DSG1: variants seen among roughly 807,000 people sequenced by gnomAD.
DSG1 encodes the protein desmoglein 1, also known as desmoglein-1.
Under a neutral mutation model 97.5 loss-of-function variants are expected in DSG1, and 39 were observed. The observed-to-expected ratio is 0.40, with a 90% CI of 0.31 to 0.52. The LOEUF (loss-of-function observed/expected upper bound fraction) is 0.52. DSG1 is among the 20% of genes least tolerant of loss of function. The pLI is 0.53. For synonymous variants in DSG1, 475 were observed against 443.4 expected, an observed-to-expected ratio of 1.07 and a Z score of -0.90; for missense variants, 1,311 against 1,295.4, an observed-to-expected ratio of 1.01 and a Z score of -0.18.
chr18:31,353,618 C>G (rs1425923651), intron 14 of DSG1, among the ~76,000 whole-genome samples: 3 of 151,974 alleles, frequency 2.0e-5, no homozygotes, highest in Non-Finnish European at 4.4e-5. Flanking sequence ...TAGCAATCAG[C>G]GAGACTCCGT....
rs776820871 is a variant in DSG1 at position 31,346,075 on chromosome 18, A to T, written c.1977A>T (p.Gly659=). The change falls in exon 14 of 15, where the codon GGA becomes GGT. Residue 659 remains glycine, a synonymous_variant. Coordinates refer to ENST00000257192, the MANE Select transcript of DSG1 (RefSeq NM_001942.4). ...ERMTGFELTE[G]VKTSGMPEIC... ...TGACAGGATTTGAACTAACAGAGGGAGTTAAAACTTCAGGAATGCCTGAGA... is the reference window on the plus strand; with the variant it reads ...TGACAGGATTTGAACTAACAGAGGGTGTTAAAACTTCAGGAATGCCTGAGA... 64 of 1,613,762 alleles carry T rather than the reference A, an allele frequency of 4.0e-5. 1 individual carries two copies. In the South Asian group the frequency reaches 7.0e-4, roughly 18 times the overall value.
At chr18:31,328,127 G>GCAACAACTCTCAAGAAAGCTGTCA in intron 3 of DSG1, 62 bp from the exon 4 acceptor site, 1 of 1,568,750 alleles carries the variant, frequency 6.4e-7, no homozygotes, top group Non-Finnish European at 8.7e-7. Context: ...GAAAGCTGTC[G>GCAACAACTCTCAAGAAAGCTGTCA]TATATCAAAT....
At chr18:31,336,152 G>A (rs2071750509) in intron 8 of DSG1, among the ~76,000 whole-genome samples, 2 of 151,942 alleles carry the variant, frequency 1.3e-5, no homozygotes, top group Admixed American at 6.6e-5. Flanking sequence ...TGAATCTAGG[G>A]GAATTGAATT....
At chr18:31,354,127 A>G in intron 14 of DSG1, 170 bp from the exon 15 acceptor site, 1 of 626,414 alleles carries the variant, frequency 1.6e-6, no homozygotes, top group Non-Finnish European at 2.8e-6. Context: ...TAACCAAATT[A>G]TTTCAAATAA....
At chr18:31,321,570 G>C (rs780189219) in intron 1 of DSG1, among the ~76,000 whole-genome samples, 2 of 152,158 alleles carry the variant, frequency 1.3e-5, no homozygotes, top group Admixed American at 1.3e-4. Flanking sequence ...GTAGATTTAG[G>C]ATTAGCATCT....
intron 8 of DSG1, among the ~76,000 whole-genome samples, chr18:31,334,900 G>T (rs138825278): frequency 6.6e-6 from 1 of 152,092 alleles, no homozygotes; most frequent in African/African-American, 2.4e-5. Flanking sequence ...TCAAAGTTTC[G>T]CCCTGTGCTA....
chr18:31,354,049 A>G, intron 14 of DSG1: 1 of 484,348 alleles, frequency 2.1e-6, no homozygotes, highest in South Asian at 2.4e-5. Context: ...AAAGTACACA[A>G]TTATAAATAA....
At chr18:31,331,345 T>G (rs568240620) in intron 5 of DSG1, among the ~76,000 whole-genome samples, 3 of 152,104 alleles carry the variant, frequency 2.0e-5, no homozygotes, top group Non-Finnish European at 4.4e-5. Context: ...AGCTAGAAAG[T>G]GTTGAGAAAG....
intron 6 of DSG1, among the ~76,000 whole-genome samples, chr18:31,332,327 A>G (rs1193400153): frequency 6.6e-6 from 1 of 152,140 alleles, no homozygotes; most frequent in African/African-American, 2.4e-5. Flanking sequence ...TCTAAGCTCC[A>G]TTGACAACAG....
intron 13 of DSG1, among the ~76,000 whole-genome samples, chr18:31,345,756 T>C (rs1335402022): frequency 6.6e-6 from 1 of 152,172 alleles, no homozygotes; most frequent in African/African-American, 2.4e-5. Context: ...CAGCCTTCAC[T>C]TCCAGCAGAG....
chr18:31,339,692 A>G, intron 10 of DSG1, 52 bp from the exon 11 acceptor site: 1 of 1,402,304 alleles, frequency 7.1e-7, no homozygotes, highest in Non-Finnish European at 1.0e-6. Flanking sequence ...TTGTCCAACC[A>G]TTCCTACACT....
rs772543278 is a variant in DSG1 at position 31,318,260 on chromosome 18, CA to C, written c.-37del. ...AAGAAAAAGAACAGAGAAGAACAAACAAAACTCCCTTGGTCTTGGATGTAAG... is the reference window on the plus strand; with the variant it reads ...AAGAAAAAGAACAGAGAAGAACAAACAAACTCCCTTGGTCTTGGATGTAAG... On this transcript the variant is annotated 5_prime_UTR_variant, in exon 1 of 15. Coordinates refer to ENST00000257192, the MANE Select transcript of DSG1 (RefSeq NM_001942.4). The C allele has an allele frequency of 4.4e-6, 7 of 1,579,196 alleles. No individual in the cohort carries two copies. The South Asian group carries it at 6.6e-5, about 15-fold the overall frequency.
At chr18:31,334,696 C>T (rs1391132510) in intron 8 of DSG1, among the ~76,000 whole-genome samples, 2 of 152,098 alleles carry the variant, frequency 1.3e-5, no homozygotes, top group African/African-American at 4.8e-5. Context: ...TTATCACACT[C>T]CCATCTCACT....
Position 31,336,526 on chromosome 18 carries a change from T to C in DSG1, c.1178T>C (p.Val393Ala). 6.2e-7 allele frequency: 1 copy of C among 1,614,046 alleles called. No individual in the cohort carries two copies. Among genetic ancestry groups the C allele is most frequent in the South Asian group, 1.1e-5 (1 of 91,078 alleles). The change falls in exon 9 of 15, where the codon GTT becomes GCT. Residue 393 changes from valine to alanine, a missense_variant. Physicochemically the swap from Val to Ala is moderately conservative, Grantham distance 64 (BLOSUM62 0). Around this residue, in one of 3 missense-constraint regions of DSG1, gnomAD observed 1,038 missense variants for 964.6 expected, o/e 1.08. Coordinates refer to ENST00000257192, the MANE Select transcript of DSG1 (RefSeq NM_001942.4). The part of the protein sequence containing the change: ...PVFRPGSKTY[V>A]VTGNMGSNDK... ...TTTCGTCCAGGTTCAAAGACATATG[T>C]TGTAACTGGTAATATGGGATCAAAT...
At chr18:31,338,229 T>G in intron 9 of DSG1, 86 bp from the exon 10 acceptor site, 19 of 1,353,934 alleles carry the variant, frequency 1.4e-5, no homozygotes, top group Non-Finnish European at 1.7e-5. Context: ...TTATAATTAC[T>G]CACTGAAAAA....
chr18:31,349,436 C>G (rs527712024), intron 14 of DSG1, among the ~76,000 whole-genome samples: 1 of 151,034 alleles, frequency 6.6e-6, no homozygotes, highest in Admixed American at 6.6e-5. Context: ...TTAGGATTGA[C>G]GTGGCGATGC....
chr18:31,336,032 T>G (rs2071749751), intron 8 of DSG1, among the ~76,000 whole-genome samples: 1 of 151,912 alleles, frequency 6.6e-6, no homozygotes, highest in Non-Finnish European at 1.5e-5. Context: ...TAGGATAAAT[T>G]GTCTTTGCAC....
In DSG1 at chr18:31,354,932, T is replaced by G; in HGVS notation, c.2736T>G (p.His912Gln). 6.2e-7 allele frequency: 1 copy of G among 1,614,178 alleles called. No individual in the cohort carries two copies. Among genetic ancestry groups the G allele is most frequent in the South Asian group, 1.1e-5 (1 of 91,080 alleles). ...SSSLPTSLTI[H>Q]HPRESSNVVV... ...GTCTACCCACCTCTCTGACTATCCATCATCCTAGAGAGTCTTCAAATGTGG... is the reference window on the plus strand; with the variant it reads ...GTCTACCCACCTCTCTGACTATCCAGCATCCTAGAGAGTCTTCAAATGTGG... The change falls in exon 15 of 15, where the codon CAT becomes CAG. Residue 912 changes from histidine to glutamine, a missense_variant. By Grantham distance (24) the His-to-Gln change is conservative. Coordinates refer to ENST00000257192, the MANE Select transcript of DSG1 (RefSeq NM_001942.4).
chr18:31,338,981 T>C (rs545400583), intron 10 of DSG1, among the ~76,000 whole-genome samples: 3 of 152,284 alleles, frequency 2.0e-5, no homozygotes, highest in East Asian at 3.9e-4. Context: ...GTTACATCGA[T>C]TAATAAAGTC....
Sources: allele counts gnomAD v4.1 joint callset (sites outside exome capture counted in the v4.1 genomes callset), GRCh38; gene constraint gnomAD v4.1.1; regional missense constraint gnomAD v4.1.1; transcripts MANE v1.5; gene names NCBI Gene and HGNC (gene_info 2026-07-23, HGNC 2026-07-21).